KCNN2: variants seen among roughly 807,000 people sequenced by gnomAD.
KCNN2 encodes small conductance calcium-activated potassium channel protein 2.
A neutral mutation model predicts 55.5 loss-of-function variants in KCNN2; 24 were observed. That is an observed-to-expected ratio of 0.43 (90% CI 0.31 to 0.61). KCNN2 has a LOEUF of 0.61. KCNN2 is among the 20% of genes least tolerant of loss of function. The probability of loss-of-function intolerance (pLI) is 0.08; values close to 1 mark genes in which losing one functional copy is unlikely to be tolerated. For missense variants in KCNN2, 754 were observed against 853.6 expected (o/e 0.88, Z 1.45); for synonymous variants, 431 against 336.1 (o/e 1.28, Z -3.09).
At chr5:114,103,490 C>G (rs1227817082) in intron 1 of KCNN2, among the ~76,000 whole-genome samples, 1 of 152,098 alleles carries the variant, frequency 6.6e-6, no homozygotes, top group African/African-American at 2.4e-5. Context: ...GAGAGGGCAT[C>G]CTTGCCTTGT....
At chr5:114,317,351 T>A (rs1756521386) in intron 2 of KCNN2, among the ~76,000 whole-genome samples, 1 of 152,146 alleles carries the variant, frequency 6.6e-6, no homozygotes. Flanking sequence ...CCTTTTCTAA[T>A]TCACTTTTAG....
At chr5:114,447,484 G>T (rs562624464) in intron 3 of KCNN2, among the ~76,000 whole-genome samples, 33 of 152,338 alleles carry the variant, frequency 2.2e-4, no homozygotes, top group Non-Finnish European at 3.8e-4. Context: ...GATGTCCTGT[G>T]TTTGTTTTGA....
intron 4 of KCNN2, 31 bp downstream of exon 4, chr5:114,463,221 A>G (rs201738688): frequency 6.3e-7 from 1 of 1,584,138 alleles, no homozygotes; most frequent in Non-Finnish European, 8.6e-7. Flanking sequence ...CATCTCTTTT[A>G]TTTACGCTCA....
intron 1 of KCNN2, among the ~76,000 whole-genome samples, chr5:114,071,548 G>T (rs1308994366): frequency 6.6e-6 from 1 of 152,128 alleles, no homozygotes; most frequent in African/African-American, 2.4e-5. Flanking sequence ...CAGTTGAGTT[G>T]ATATACAATA....
chr5:114,116,422 A>G (rs139900031), intron 1 of KCNN2, among the ~76,000 whole-genome samples: 1 of 152,182 alleles, frequency 6.6e-6, no homozygotes, highest in African/African-American at 2.4e-5. Context: ...TAAGTACACT[A>G]CTATTTTCTT....
intron 2 of KCNN2, among the ~76,000 whole-genome samples, chr5:114,236,801 C>T (rs1460038530): frequency 6.6e-6 from 1 of 151,980 alleles, no homozygotes; most frequent in African/African-American, 2.4e-5. Context: ...TGTACATGTA[C>T]ACACATATAT....
chr5:114,416,581 A>C (rs1759312959), intron 3 of KCNN2, among the ~76,000 whole-genome samples: 2 of 152,200 alleles, frequency 1.3e-5, no homozygotes, highest in Non-Finnish European at 1.5e-5. Context: ...TGATTTTGAC[A>C]TACGATATTC....
intron 2 of KCNN2, among the ~76,000 whole-genome samples, chr5:114,377,555 G>A (rs1038781019): frequency 6.6e-6 from 1 of 152,192 alleles, no homozygotes; most frequent in Admixed American, 6.5e-5. Flanking sequence ...GCAGGGTGTG[G>A]GTGGCAGCAC....
intron 2 of KCNN2, among the ~76,000 whole-genome samples, chr5:114,394,978 T>C (rs1382647173): frequency 6.6e-6 from 1 of 152,240 alleles, no homozygotes; most frequent in Non-Finnish European, 1.5e-5. Flanking sequence ...AATATATGAC[T>C]AAAATTATGT....
At chr5:114,428,677 A>G (rs1030834695) in intron 3 of KCNN2, among the ~76,000 whole-genome samples, 1 of 152,084 alleles carries the variant, frequency 6.6e-6, no homozygotes, top group African/African-American at 2.4e-5. Flanking sequence ...CAGTGAATAT[A>G]TCCACTGCCC....
rs931859004 is a variant in KCNN2, at chr5:114,362,881, C to T, written c.742C>T (p.Pro248Ser). The T allele has an allele frequency of 6.3e-7, 1 of 1,598,106 alleles. No homozygotes were observed. Among genetic ancestry groups the T allele is most frequent in the African/African-American group, 1.3e-5 (1 of 74,992 alleles). ...EMDSEAQPLQ[P>S]PASVGGGGGA... is the part of the protein sequence containing the mutation. ...GGACTCAGAGGCGCAGCCCCTGCAGCCCCCCGCGTCTGTCGGAGGAGGTGG... is the reference window on the plus strand; with the variant it reads ...GGACTCAGAGGCGCAGCCCCTGCAGTCCCCCGCGTCTGTCGGAGGAGGTGG... Residue 248 changes from proline (P) to serine (S), a missense_variant, in exon 1 of 8, where the codon CCC becomes TCC. Coordinates refer to ENST00000673685, the MANE Select transcript of KCNN2 (RefSeq NM_021614.4).
chr5:114,192,693 T>G (rs1007101870), intron 1 of KCNN2, among the ~76,000 whole-genome samples: 7 of 152,154 alleles, frequency 4.6e-5, no homozygotes, highest in African/African-American at 1.7e-4. Context: ...TTTGTATGGC[T>G]CAGGGAGGTC....
At chr5:114,168,491 T>A (rs1206615667) in intron 1 of KCNN2, among the ~76,000 whole-genome samples, 1 of 152,142 alleles carries the variant, frequency 6.6e-6, no homozygotes, top group East Asian at 1.9e-4. Context: ...CTAATATTCT[T>A]CATGAAGAAT....
At chr5:114,192,194 A>C (rs985492861) in intron 1 of KCNN2, among the ~76,000 whole-genome samples, 1 of 152,174 alleles carries the variant, frequency 6.6e-6, no homozygotes, top group Non-Finnish European at 1.5e-5. Flanking sequence ...TGACATTACT[A>C]AATGATACTC....
chr5:114,375,952 G>GTATATATATATATATATATATATA (rs6149186), intron 2 of KCNN2, among the ~76,000 whole-genome samples: 1,422 of 104,156 alleles, frequency 0.014, 48 homozygotes, highest in East Asian at 0.024. Flanking sequence ...GACTCACAGT[G>GTATATATATATATATATATATATA]TATATATATA....
rs562089776 is a variant in KCNN2 at position 114,394,404 on chromosome 5, T to G, written c.1219-10034T>G. On this transcript the variant is annotated intron_variant, in intron 2 of 7. Coordinates refer to ENST00000673685, the MANE Select transcript of KCNN2 (RefSeq NM_021614.4). Reference sequence around the variant, plus strand: ...GGTTAGTCCTTTGTGATAGGTGTTGTGAACGTTTTCCCATGGTTTGGTCCT... The same window carrying G: ...GGTTAGTCCTTTGTGATAGGTGTTGGGAACGTTTTCCCATGGTTTGGTCCT... Among the ~76,000 whole-genome samples the G allele has an allele frequency of 1.6e-4, 24 of 152,348 alleles. No individual in the cohort carries two copies. The South Asian group carries it at 5.0e-3, about 32-fold the overall frequency.
intron 2 of KCNN2, among the ~76,000 whole-genome samples, chr5:114,306,763 C>T (rs1313043061): frequency 2.0e-5 from 3 of 148,486 alleles, no homozygotes; most frequent in Non-Finnish European, 3.0e-5. Context: ...TGCAGTGGCA[C>T]GATCTCAGCT....
chr5:114,219,524 C>T (rs1013560866), intron 1 of KCNN2, among the ~76,000 whole-genome samples: 1 of 152,118 alleles, frequency 6.6e-6, no homozygotes, highest in Non-Finnish European at 1.5e-5. Flanking sequence ...TGAAGTTAAA[C>T]TGTCAAGGTG....
At chr5:114,415,422 T>C (rs1759274679) in intron 3 of KCNN2, among the ~76,000 whole-genome samples, 1 of 152,178 alleles carries the variant, frequency 6.6e-6, no homozygotes. Context: ...GTCAGTTGTG[T>C]GCGTGTGTGT....
Sources: gnomAD v4.1 joint callset for allele counts (sites outside exome capture counted in the v4.1 genomes callset) on GRCh38, gnomAD v4.1.1 for gene constraint, MANE v1.5 for transcripts, NCBI Gene and HGNC (gene_info 2026-07-23, HGNC 2026-07-21) for gene names.